Variants in CDH12 observed in about 807,000 individuals in gnomAD.
CDH12 encodes the protein cadherin-12.
In CDH12, 41 loss-of-function variants were observed where a neutral mutation model predicts 74.1. The ratio of observed to expected loss-of-function variants is 0.55; its 90% CI spans 0.43 to 0.72. CDH12 has a LOEUF of 0.72. Ranked by LOEUF, CDH12 falls within the 30% of genes least tolerant of loss-of-function variation. The pLI is 0.00. For missense variants in CDH12, 945 were observed against 977.2 expected, an observed-to-expected ratio of 0.97 and a Z score of 0.44; for synonymous variants, 399 against 355.0, an observed-to-expected ratio of 1.12 and a Z score of -1.39.
rs550136913 is a variant in CDH12 at position 22,220,444 on chromosome 5, T to C, written c.-332-7801A>G. Among the ~76,000 whole-genome samples the C allele has an allele frequency of 8.9e-4, 135 of 151,774 alleles. 1 individual carries two copies. Among genetic ancestry groups the C allele is most frequent in the Non-Finnish European group, 3.1e-4 (21 of 67,784 alleles). On this transcript the variant is annotated intron_variant, in intron 3 of 14. Transcript: ENST00000382254. Reference sequence around the variant, plus strand: ...TTTTCACATTATTTTTATAAAAAAGTAGATTACATCCCAACATAAGCCTGT... The same window carrying C: ...TTTTCACATTATTTTTATAAAAAAGCAGATTACATCCCAACATAAGCCTGT...
chr5:21,952,680 T>G (rs1313265312), intron 6 of CDH12, among the ~76,000 whole-genome samples: 1 of 152,148 alleles, frequency 6.6e-6, no homozygotes, highest in Non-Finnish European at 1.5e-5. Context: ...TACTTTCTGT[T>G]ATTGGAGGAT....
At chr5:22,795,297 G>C (rs562119677) in intron 1 of CDH12, among the ~76,000 whole-genome samples, 1 of 152,130 alleles carries the variant, frequency 6.6e-6, no homozygotes, top group Admixed American at 6.5e-5. Context: ...TTGTCGAAAT[G>C]GTTCTTCTCA....
intron 3 of CDH12, among the ~76,000 whole-genome samples, chr5:22,274,459 T>C (rs915539364): frequency 6.6e-6 from 1 of 152,260 alleles, no homozygotes; most frequent in South Asian, 2.1e-4. Context: ...GACTGAAGTC[T>C]TGGCACAGTT....
At chr5:22,372,478 C>T (rs1269373541) in intron 3 of CDH12, among the ~76,000 whole-genome samples, 2 of 152,080 alleles carry the variant, frequency 1.3e-5, no homozygotes, top group African/African-American at 2.4e-5. Flanking sequence ...GAACTGCCTA[C>T]AGATTGTGCA....
chr5:22,777,397 G>A (rs575653555), intron 1 of CDH12, among the ~76,000 whole-genome samples: 2 of 152,176 alleles, frequency 1.3e-5, no homozygotes, highest in African/African-American at 2.4e-5. Flanking sequence ...TTTCTCATAA[G>A]AGTTACTGAA....
chr5:22,210,504 T>C (rs1343347919), intron 4 of CDH12, among the ~76,000 whole-genome samples: 1 of 150,704 alleles, frequency 6.6e-6, no homozygotes, highest in African/African-American at 2.4e-5. Context: ...TAAATTTGTA[T>C]TTTAAGTTCA....
intron 1 of CDH12, among the ~76,000 whole-genome samples, chr5:22,632,799 A>C (rs2126858900): frequency 6.6e-6 from 1 of 152,252 alleles, no homozygotes; most frequent in Non-Finnish European, 1.5e-5. Flanking sequence ...GAAAAATATT[A>C]ATCTCTGCCA....
intron 6 of CDH12, among the ~76,000 whole-genome samples, chr5:21,961,111 C>G (rs1157408014): frequency 6.6e-6 from 1 of 151,924 alleles, no homozygotes; most frequent in South Asian, 2.1e-4. Context: ...ATTTGTTCAT[C>G]TATTGTTTAT....
chr5:22,606,499 T>G (rs951664251), intron 1 of CDH12, among the ~76,000 whole-genome samples: 2 of 152,112 alleles, frequency 1.3e-5, no homozygotes, highest in Admixed American at 6.5e-5. Context: ...TGATAGTGAG[T>G]GAGTTCTCAC....
intron 3 of CDH12, among the ~76,000 whole-genome samples, chr5:22,344,605 T>C (rs1177278592): frequency 1.3e-5 from 2 of 152,144 alleles, no homozygotes; most frequent in Non-Finnish European, 2.9e-5. Context: ...CCAAGCATCA[T>C]TACAGATGAA....
At chr5:22,767,297 A>C (rs1292945040) in intron 1 of CDH12, among the ~76,000 whole-genome samples, 3 of 152,030 alleles carry the variant, frequency 2.0e-5, no homozygotes, top group Non-Finnish European at 4.4e-5. Flanking sequence ...TTGGACTTTG[A>C]ATGTTCTTTA....
At chr5:22,564,665 A>G (rs1188590368) in intron 1 of CDH12, among the ~76,000 whole-genome samples, 1 of 152,132 alleles carries the variant, frequency 6.6e-6, no homozygotes, top group African/African-American at 2.4e-5. Flanking sequence ...TATTACTTAC[A>G]TAGATCTAAT....
intron 5 of CDH12, among the ~76,000 whole-genome samples, chr5:21,989,941 T>C (rs1367906754): frequency 6.6e-6 from 1 of 152,206 alleles, no homozygotes; most frequent in Non-Finnish European, 1.5e-5. Flanking sequence ...CAATATTTGA[T>C]AATGGAGCAA....
At chr5:21,870,979 A>C (rs1410127230) in intron 6 of CDH12, among the ~76,000 whole-genome samples, 1 of 152,042 alleles carries the variant, frequency 6.6e-6, no homozygotes, top group Non-Finnish European at 1.5e-5. Context: ...CAATCTACCC[A>C]CCTCGACATT....
intron 1 of CDH12, among the ~76,000 whole-genome samples, chr5:22,631,263 G>A (rs931069405): frequency 3.3e-5 from 5 of 152,116 alleles, no homozygotes; most frequent in Non-Finnish European, 7.4e-5. Context: ...ATTACCATTC[G>A]ACTCAGCAAT....
chr5:21,930,334 T>C (rs1754776651), intron 6 of CDH12, among the ~76,000 whole-genome samples: 1 of 152,212 alleles, frequency 6.6e-6, no homozygotes, highest in Non-Finnish European at 1.5e-5. Flanking sequence ...GAAACTTTTC[T>C]TATTATTATT....
intron 3 of CDH12, among the ~76,000 whole-genome samples, chr5:22,400,452 A>AT (rs200864343): frequency 0.036 from 5,472 of 151,310 alleles, 111 homozygotes; most frequent in African/African-American, 0.055. Context: ...GCTTGCAGAG[A>AT]TTTTTTTTTA....
At chr5:21,913,354 T>A (rs946213493) in intron 6 of CDH12, among the ~76,000 whole-genome samples, 1 of 152,202 alleles carries the variant, frequency 6.6e-6, no homozygotes, top group African/African-American at 2.4e-5. Context: ...AATTAAATAC[T>A]TTTACATTTA....
chr5:21,850,914 A>C (rs1036246645), intron 7 of CDH12, among the ~76,000 whole-genome samples: 1 of 151,458 alleles, frequency 6.6e-6, no homozygotes, highest in Non-Finnish European at 1.5e-5. Context: ...TTCACAATGC[A>C]TGTAAATTAA....
Sources: gnomAD v4.1 joint callset for allele counts (sites outside exome capture counted in the v4.1 genomes callset) on GRCh38, gnomAD v4.1.1 for gene constraint, MANE v1.5 for transcripts, NCBI Gene and HGNC (gene_info 2026-07-23, HGNC 2026-07-21) for gene names.